Variants in GPHN observed in about 807,000 individuals in gnomAD.
GPHN encodes gephyrin.
A neutral mutation model predicts 95.5 loss-of-function variants in GPHN; 17 were observed. That is an observed-to-expected ratio of 0.18 (90% CI 0.12 to 0.27). The LOEUF (loss-of-function observed/expected upper bound fraction) is 0.27. Among genes scored for constraint, GPHN ranks in the 10% least tolerant of loss-of-function variants. GPHN has a pLI of 1.00. For missense variants in GPHN, 660 were observed against 978.1 expected, an observed-to-expected ratio of 0.67 and a Z score of 4.34; for synonymous variants, 320 against 322.5, an observed-to-expected ratio of 0.99 and a Z score of 0.08.
At chr14:67,422,739 C>T in the GPHN span, among the ~76,000 whole-genome samples, 4 of 151,842 alleles carry the variant, frequency 2.6e-5, no homozygotes, top group South Asian at 2.1e-4. Flanking sequence ...AAACCCAACA[C>T]AGATGTTGTT....
intron 2 of GPHN, chr14:66,760,401 A>G: frequency 6.3e-6 from 1 of 159,640 alleles, no homozygotes; most frequent in Non-Finnish European, 1.4e-5. Flanking sequence ...CGCTTTGTAT[A>G]TTGTAAGAGG....
At chr14:66,844,825 A>G (rs1438387417) in intron 4 of GPHN, among the ~76,000 whole-genome samples, 1 of 152,118 alleles carries the variant, frequency 6.6e-6, no homozygotes, top group Non-Finnish European at 1.5e-5. Context: ...CACTGTTTCT[A>G]GAACTTTTAT....
At chr14:66,839,820 C>T (rs2062002344) in intron 4 of GPHN, among the ~76,000 whole-genome samples, 1 of 151,934 alleles carries the variant, frequency 6.6e-6, no homozygotes, top group African/African-American at 2.4e-5. Flanking sequence ...ATTTATGGGC[C>T]CTATTTACTT....
chr14:67,336,169 T>C, the GPHN span: 3 of 152,368 alleles, frequency 2.0e-5, no homozygotes, highest in Admixed American at 6.5e-5. Flanking sequence ...ATGTGAATTA[T>C]TGGCAAATAT....
the GPHN span, among the ~76,000 whole-genome samples, chr14:67,286,767 G>A: frequency 3.5e-4 from 53 of 150,806 alleles, no homozygotes; most frequent in Middle Eastern, 0.014. Flanking sequence ...CTAGGTGGGA[G>A]GATCGCTGGA....
intron 8 of GPHN, among the ~76,000 whole-genome samples, chr14:66,946,492 A>G (rs1052424424): frequency 6.6e-5 from 10 of 151,888 alleles, no homozygotes; most frequent in African/African-American, 2.4e-4. Context: ...TGCAAACTCC[A>G]CCTCCGGGGT....
the GPHN span, chr14:67,686,264 TG>T: frequency 6.6e-6 from 1 of 152,188 alleles, no homozygotes; most frequent in Non-Finnish European, 1.5e-5. Context: ...ATCTCTAAAA[TG>T]GGAATAATCA....
At position 66,621,057 on chromosome 14, in the gene GPHN, C is replaced by T. The variant is rs532089725; in HGVS notation, c.65-60050C>T. ...TTGGCTCACTGCAAGCTCTGCCTCC[C>T]GGGTTCACGCCATTCTCCTGCCTCA... On this transcript the variant is annotated intron_variant, in intron 1 of 22. Transcript: ENST00000478722. Among the ~76,000 whole-genome samples the T allele has an allele frequency of 5.3e-4, 81 of 151,662 alleles. 1 individual carries two copies. Among genetic ancestry groups the T allele is most frequent in the Admixed American group, 5.1e-3 (77 of 15,246 alleles).
chr14:67,469,979 C>T, the GPHN span, among the ~76,000 whole-genome samples: 12 of 152,312 alleles, frequency 7.9e-5, no homozygotes, highest in East Asian at 2.1e-3. Context: ...CTGGATACTG[C>T]CTGAGATCCC....
chr14:66,518,539 A>G (rs2058347360), intron 1 of GPHN, among the ~76,000 whole-genome samples: 1 of 152,100 alleles, frequency 6.6e-6, no homozygotes, highest in East Asian at 1.9e-4. Context: ...CGTGTACCAT[A>G]TTTACTGCAG....
At chr14:67,601,880 A>T in the GPHN span, among the ~76,000 whole-genome samples, 13,558 of 142,836 alleles carry the variant, frequency 0.095, 633 homozygotes, top group Middle Eastern at 0.13. Flanking sequence ...ATATTCATTT[A>T]AAAAAAAAAA....
intron 14 of GPHN, among the ~76,000 whole-genome samples, chr14:67,111,552 A>G (rs913364046): frequency 4.6e-5 from 7 of 152,194 alleles, no homozygotes; most frequent in Non-Finnish European, 8.8e-5. Flanking sequence ...AAAAATATAT[A>G]AACAAATTCT....
intron 2 of GPHN, among the ~76,000 whole-genome samples, chr14:66,727,107 C>T (rs1422176041): frequency 1.3e-5 from 2 of 152,120 alleles, no homozygotes; most frequent in Non-Finnish European, 2.9e-5. Flanking sequence ...AGATAAGTCT[C>T]ACAAGATCTG....
chr14:67,153,773 G>A (rs562129501), intron 18 of GPHN, among the ~76,000 whole-genome samples: 1 of 152,274 alleles, frequency 6.6e-6, no homozygotes, highest in South Asian at 2.1e-4. Context: ...AGTTGAAGAA[G>A]AGACTTATTC....
chr14:67,606,915 G>A, the GPHN span, among the ~76,000 whole-genome samples: 81 of 152,142 alleles, frequency 5.3e-4, no homozygotes, highest in African/African-American at 1.9e-3. Flanking sequence ...CAAAGTGCTG[G>A]GATTACAGGC....
chr14:67,297,250 G>T, the GPHN span, among the ~76,000 whole-genome samples: 1 of 152,186 alleles, frequency 6.6e-6, no homozygotes, highest in Non-Finnish European at 1.5e-5. Context: ...GTACCAGTCA[G>T]TGCAATAAAA....
intron 17 of GPHN, among the ~76,000 whole-genome samples, chr14:67,141,551 A>G (rs553057350): frequency 6.6e-6 from 1 of 152,214 alleles, no homozygotes; most frequent in East Asian, 1.9e-4. Flanking sequence ...TTTAATCCTC[A>G]TAACAACCCT....
At chr14:66,822,811 T>C (rs1417186160) in intron 3 of GPHN, among the ~76,000 whole-genome samples, 1 of 152,206 alleles carries the variant, frequency 6.6e-6, no homozygotes, top group Non-Finnish European at 1.5e-5. Context: ...TATCACTTTT[T>C]ATCAAGATTT....
chr14:67,647,173 A>G, the GPHN span: 4 of 565,236 alleles, frequency 7.1e-6, no homozygotes, highest in Non-Finnish European at 1.2e-5. Flanking sequence ...AATTTGAAAC[A>G]CAGGTCATAT....
Sources: gnomAD v4.1 joint callset for allele counts (sites outside exome capture counted in the v4.1 genomes callset) on GRCh38, gnomAD v4.1.1 for gene constraint, MANE v1.5 for transcripts, NCBI Gene and HGNC (gene_info 2026-07-23, HGNC 2026-07-21) for gene names.